NALF1: variants seen among roughly 807,000 people sequenced by gnomAD.
NALF1 encodes the protein family with sequence similarity 155 member A.
NALF1 carries 3 observed loss-of-function variants against 48.4 expected under a neutral mutation model. That is an observed-to-expected ratio of 0.06 (90% confidence interval 0.03 to 0.16). The LOEUF is 0.16. Ranked by LOEUF, NALF1 falls within the 10% of genes least tolerant of loss-of-function variation. The probability of loss-of-function intolerance (pLI) is 1.00; values close to 1 mark genes in which losing one functional copy is unlikely to be tolerated. For synonymous variants in NALF1, 262 were observed against 245.7 expected, an observed-to-expected ratio of 1.07 and a Z score of -0.62; for missense variants, 526 against 571.5, an observed-to-expected ratio of 0.92 and a Z score of 0.81.
chr13:107,828,595 A>G (rs1360518662), intron 1 of NALF1, among the ~76,000 whole-genome samples: 7 of 76,078 alleles, frequency 9.2e-5, no homozygotes, highest in Non-Finnish European at 1.9e-4. Context: ...ATCTATCTAT[A>G]TCTATATCTA....
At chr13:107,711,174 G>A (rs1191992013) in intron 1 of NALF1, among the ~76,000 whole-genome samples, 1 of 152,024 alleles carries the variant, frequency 6.6e-6, no homozygotes, top group Non-Finnish European at 1.5e-5. Flanking sequence ...CTACCTTGTT[G>A]GCAACCTGAG....
intron 1 of NALF1, among the ~76,000 whole-genome samples, chr13:107,486,113 CT>C (rs1276544752): frequency 1.3e-5 from 2 of 152,188 alleles, no homozygotes; most frequent in African/African-American, 4.8e-5. Context: ...TCCATTTTAT[CT>C]CTAGAATCTA....
chr13:107,431,811 C>A (rs1969791), intron 1 of NALF1, among the ~76,000 whole-genome samples: 50,336 of 151,860 alleles, frequency 0.33, 8,513 homozygotes, highest in African/African-American at 0.42. Flanking sequence ...TCTAAAAAGG[C>A]CATTGTATGT....
At chr13:107,408,241 G>T (rs969378003) in intron 1 of NALF1, among the ~76,000 whole-genome samples, 1 of 151,898 alleles carries the variant, frequency 6.6e-6, no homozygotes, top group Non-Finnish European at 1.5e-5. Context: ...TAATTTAATT[G>T]TAGATTTTAA....
intron 1 of NALF1, among the ~76,000 whole-genome samples, chr13:107,413,655 C>G (rs974756571): frequency 4.0e-5 from 6 of 151,638 alleles, no homozygotes; most frequent in Non-Finnish European, 4.4e-5. Context: ...GCCTTTTTTT[C>G]TCCACTACAT....
chr13:107,493,153 G>T (rs1875202832), intron 1 of NALF1, among the ~76,000 whole-genome samples: 2 of 152,192 alleles, frequency 1.3e-5, no homozygotes. Flanking sequence ...TTATGTGTGA[G>T]GAAAATAAAA....
At chr13:107,322,611 G>A (rs549083105) in intron 1 of NALF1, among the ~76,000 whole-genome samples, 20 of 152,230 alleles carry the variant, frequency 1.3e-4, no homozygotes, top group Admixed American at 3.3e-4. Flanking sequence ...AGCCTAAGAA[G>A]GGAGTTCTTC....
intron 1 of NALF1, among the ~76,000 whole-genome samples, chr13:107,606,325 T>C (rs1879067879): frequency 6.6e-6 from 1 of 151,742 alleles, no homozygotes. Context: ...GATGTGTGTG[T>C]TTATATATGT....
intron 1 of NALF1, among the ~76,000 whole-genome samples, chr13:107,336,776 T>A (rs901950530): frequency 6.6e-6 from 1 of 152,198 alleles, no homozygotes; most frequent in African/African-American, 2.4e-5. Flanking sequence ...TTTAGGTTCA[T>A]AAATGAGTTG....
At chr13:107,666,577 T>C (rs1215859695) in intron 1 of NALF1, among the ~76,000 whole-genome samples, 5 of 152,128 alleles carry the variant, frequency 3.3e-5, no homozygotes, top group African/African-American at 7.2e-5. Flanking sequence ...GCTGAACCTA[T>C]TGAGATGGCT....
intron 1 of NALF1, among the ~76,000 whole-genome samples, chr13:107,392,903 A>G (rs1883651048): frequency 6.6e-6 from 1 of 152,082 alleles, no homozygotes. Flanking sequence ...AAACAGCTCC[A>G]TTTTAACAAC....
chr13:107,630,747 T>A (rs199802172), intron 1 of NALF1, among the ~76,000 whole-genome samples: 1 of 32,652 alleles, frequency 3.1e-5, no homozygotes, highest in Non-Finnish European at 1.2e-4. Context: ...GTTTGTAAAA[T>A]ATATATATAT....
intron 1 of NALF1, among the ~76,000 whole-genome samples, chr13:107,250,501 G>C (rs902195065): frequency 6.6e-6 from 1 of 151,924 alleles, no homozygotes; most frequent in African/African-American, 2.4e-5. Flanking sequence ...CTTTAATGGT[G>C]GTTTGAATTA....
At chr13:107,836,595 T>C (rs1440667571) in intron 1 of NALF1, among the ~76,000 whole-genome samples, 1 of 152,176 alleles carries the variant, frequency 6.6e-6, no homozygotes, top group African/African-American at 2.4e-5. Flanking sequence ...GGAAATATTT[T>C]GTAACACAAG....
At chr13:107,581,973 T>C (rs769984650) in intron 1 of NALF1, among the ~76,000 whole-genome samples, 1 of 152,194 alleles carries the variant, frequency 6.6e-6, no homozygotes, top group Non-Finnish European at 1.5e-5. Flanking sequence ...TTACTTTTCA[T>C]GTGACTCATT....
intron 1 of NALF1, among the ~76,000 whole-genome samples, chr13:107,653,230 GT>G (rs1320377601): frequency 6.0e-5 from 9 of 150,138 alleles, no homozygotes; most frequent in Non-Finnish European, 1.2e-4. Context: ...TGTATATTAA[GT>G]TGTGTATTTT....
intron 1 of NALF1, among the ~76,000 whole-genome samples, chr13:107,753,430 TTTGTTG>T (rs141088709): frequency 6.6e-6 from 1 of 151,516 alleles, no homozygotes; most frequent in Non-Finnish European, 1.5e-5. Context: ...ACAAATCTTC[TTTGTTG>T]TTGTTGTTGT....
At chr13:107,259,485 A>G (rs1880887257) in intron 1 of NALF1, among the ~76,000 whole-genome samples, 1 of 152,152 alleles carries the variant, frequency 6.6e-6, no homozygotes, top group Non-Finnish European at 1.5e-5. Flanking sequence ...TATCATGCCC[A>G]CAGGACATTG....
At chr13:107,703,268 C>T (rs1881868028) in intron 1 of NALF1, among the ~76,000 whole-genome samples, 2 of 151,974 alleles carry the variant, frequency 1.3e-5, no homozygotes, top group Admixed American at 1.3e-4. Flanking sequence ...TATTTAAATA[C>T]TTTTTCCTGC....
Sources: gnomAD v4.1 joint callset for allele counts (sites outside exome capture counted in the v4.1 genomes callset) on GRCh38, gnomAD v4.1.1 for gene constraint, MANE v1.5 for transcripts, NCBI Gene and HGNC (gene_info 2026-07-23, HGNC 2026-07-21) for gene names.